Variants in NKX1-1 observed in about 807,000 individuals in gnomAD.
The protein encoded by NKX1-1 is NK1 homeobox 1.
A neutral mutation model predicts 1.7 loss-of-function variants in NKX1-1; 7 were observed. The ratio of observed to expected loss-of-function variants is 4.22; its 90% confidence interval spans 2.40 to 7.92. The LOEUF (loss-of-function observed/expected upper bound fraction) is 7.92. Among genes scored for constraint, NKX1-1 ranks in the 30% most tolerant of loss-of-function variants. The pLI is 0.00. For missense variants in NKX1-1, 453 were observed against 171.5 expected (o/e 2.64, Z -9.17); for synonymous variants, 242 against 85.3 (o/e 2.84, Z -10.13).
chr4:1,404,468 G>C (rs1465241553), intron 1 of NKX1-1, among the ~76,000 whole-genome samples: 1 of 152,190 alleles, frequency 6.6e-6, no homozygotes, highest in Non-Finnish European at 1.5e-5. Flanking sequence ...CCCGCGCCTC[G>C]GCCCCTGCGC....
Position 1,403,772 on chromosome 4 carries a change from G to A in NKX1-1, c.507C>T (p.Asp169=). 1.5e-6 allele frequency: 1 copy of A among 685,024 alleles called. No homozygotes were observed. 42.4% of individuals were successfully genotyped at this position (685,024 alleles called of 1,614,324 possible). The change falls in exon 2 of 2, where the codon GAC becomes GAT. Residue 169 remains aspartate (D), a synonymous_variant. Coordinates refer to ENST00000422806, the MANE Select transcript of NKX1-1 (RefSeq NM_001290079.1). ...CGCCGCCGCTGCTGTAGCCGTTGGT[G>A]TCGTTGGTCTCGGCCTCCCCTGCCT... is the stretch of plus-strand genomic sequence containing the variant. ...PFKAGEAETN[D]TNGYSSGGGG...
chr4:1,405,541 C>T (rs569640135), intron 1 of NKX1-1, among the ~76,000 whole-genome samples: 1 of 149,864 alleles, frequency 6.7e-6, no homozygotes, highest in South Asian at 2.1e-4. Context: ...CGATAACCAG[C>T]GTTTTGTCAC....
At position 1,403,310 on chromosome 4, in the gene NKX1-1, C is replaced by G; in HGVS notation, c.969G>C (p.Val323=). 1.4e-6 allele frequency: 1 copy of G among 713,094 alleles called. No homozygotes were observed. 44.2% of individuals were successfully genotyped at this position (713,094 alleles called of 1,614,324 possible). Residue 323 remains valine (V), a synonymous_variant, in exon 2 of 2, where the codon GTG becomes GTC. Transcript: ENST00000422806. ...ACAGCGCCAGGTTGAGGCGCTCGCA[C>G]ACCGACAGGTAGCGCGTGGCCTTGA... The part of the protein sequence containing the change: ...NKFKATRYLS[V]CERLNLALSL...
Position 1,406,404 on chromosome 4 carries a change from G to C in NKX1-1, c.39C>G (p.Pro13=), listed in dbSNP as rs1720753058. ...ASGPEAPGDI[P]ALPPPPQPGS... ...CTGGCTGGGGAGGCGGCGGTAGCGC[G>C]GGAATGTCCCCAGGAGCCTCGGGGC... The change falls in exon 1 of 2, where the codon CCC becomes CCG. Residue 13 remains proline (P), a synonymous_variant. Transcript: ENST00000422806. 1.4e-5 allele frequency: 5 copies of C among 350,804 alleles called. No individual in the cohort carries two copies. In the East Asian group the frequency reaches 1.7e-4, roughly 12 times the overall value. The allele number at this position is 350,804 out of a possible 1,614,324, so 21.7% of individuals were successfully genotyped here. A position where few individuals can be genotyped will look rare whatever the true frequency, so the allele number is the denominator to read the frequency against.
At chr4:1,405,506 C>A (rs372462142) in intron 1 of NKX1-1, among the ~76,000 whole-genome samples, 1 of 151,988 alleles carries the variant, frequency 6.6e-6, no homozygotes, top group East Asian at 1.9e-4. Flanking sequence ...TAACTGTAAT[C>A]GAAGGGATTT....
chr4:1,406,169 T>C lies in NKX1-1; in HGVS notation c.274A>G (p.Lys92Glu). The C allele has an allele frequency of 1.6e-6, 1 of 619,988 alleles. No individual in the cohort carries two copies. The highest frequency in any genetic ancestry group is 2.9e-6 in the Non-Finnish European group (1 of 345,602). The allele number at this position is 619,988 out of a possible 1,614,324, so 38.4% of individuals were successfully genotyped here. A position where few individuals can be genotyped will look rare whatever the true frequency, so the allele number is the denominator to read the frequency against. The change falls in exon 1 of 2, where the codon AAG (lysine) becomes GAG (glutamate). Residue 92 changes from lysine (K) to glutamate (E), a missense_variant. Coordinates refer to ENST00000422806, the MANE Select transcript of NKX1-1 (RefSeq NM_001290079.1). ...FSVLDILDPN[K>E]FNSRRRRCVL... is the part of the protein sequence containing the mutation. The stretch of plus-strand genomic sequence containing the variant: ...CAACGACGCCTCCTGCTGTTGAACT[T>C]GTTGGGGTCCAGGATGTCCAGTACC...
chr4:1,403,059 G>T lies in NKX1-1; in HGVS notation c.1220C>A (p.Ala407Glu). ...GCACACCAGGCCTCCGGGGCCGTGC[G>T]CCGGGTACCCGGCCGGGCCGTGCAT... Reference protein sequence around the residue: ...LGMHGPAGYPAHGPGGLVCAA... With the variant: ...LGMHGPAGYPEHGPGGLVCAA... Residue 407 changes from alanine to glutamate, a missense_variant, in exon 2 of 2, where the codon GCG becomes GAG. Transcript: ENST00000422806. 3.9e-6 allele frequency: 2 copies of T among 514,888 alleles called. No individual in the cohort carries two copies. The highest frequency in any genetic ancestry group is 3.4e-6 in the Non-Finnish European group (1 of 293,052). 31.9% of individuals were successfully genotyped at this position (514,888 alleles called of 1,614,324 possible).
intron 1 of NKX1-1, among the ~76,000 whole-genome samples, chr4:1,405,136 C>T (rs939109455): frequency 6.6e-6 from 1 of 152,182 alleles, no homozygotes; most frequent in Non-Finnish European, 1.5e-5. Flanking sequence ...GAAGAGGCCC[C>T]GCGCAGGTGC....
intron 1 of NKX1-1, among the ~76,000 whole-genome samples, chr4:1,405,170 G>T (rs1364835924): frequency 6.6e-6 from 1 of 152,174 alleles, no homozygotes; most frequent in Non-Finnish European, 1.5e-5. Context: ...CAGGCGCAGA[G>T]CCGGTGGCCG....
chr4:1,406,205 TG>T lies in NKX1-1; in HGVS notation c.237del (p.Thr80ProfsTer261). ...AGGATGTCCAGTACCGAGAAGGAGG[TG>T]GGGCGCAGGGGCGCTGCGGGCCGGG... ...GAARPAAPLR[P>X]TSFSVLDILD... On this transcript the variant is annotated frameshift_variant, in exon 1 of 2. Transcript: ENST00000422806. LOFTEE classifies it high-confidence loss of function. The T allele has an allele frequency of 1.7e-6, 1 of 578,864 alleles. No individual in the cohort carries two copies. The highest frequency in any genetic ancestry group is 3.1e-6 in the Non-Finnish European group (1 of 324,514). 35.9% of individuals were successfully genotyped at this position (578,864 alleles called of 1,614,324 possible).
At chr4:1,405,897 G>T (rs1195511871) in intron 1 of NKX1-1, 83 bp downstream of exon 1, 5 of 408,202 alleles carry the variant, frequency 1.2e-5, no homozygotes, top group Non-Finnish European at 2.2e-5. Context: ...GACCCAACTC[G>T]CCACGGTGTC....
intron 1 of NKX1-1, among the ~76,000 whole-genome samples, chr4:1,404,668 A>G (rs1720720534): frequency 6.6e-6 from 1 of 152,238 alleles, no homozygotes; most frequent in Non-Finnish European, 1.5e-5. Context: ...CATCTCTCCC[A>G]GGCAGGGTCG....
chr4:1,403,682 G>C lies in NKX1-1; in HGVS notation c.597C>G (p.Asp199Glu), dbSNP rs1312367054. Residue 199 changes from aspartate to glutamate, a missense_variant, in exon 2 of 2, where the codon GAC becomes GAG. Coordinates refer to ENST00000422806, the MANE Select transcript of NKX1-1 (RefSeq NM_001290079.1). Reference protein sequence around the residue: ...EVPDDEDDDEDEAPETEAARG... With the variant: ...EVPDDEDDDEEEAPETEAARG... Reference sequence around the variant, plus strand: ...GCGCCGCCTCCGTCTCGGGCGCTTCGTCCTCGTCGTCGTCCTCGTCGTCGG... The same window carrying C: ...GCGCCGCCTCCGTCTCGGGCGCTTCCTCCTCGTCGTCGTCCTCGTCGTCGG... 1.5e-6 allele frequency: 1 copy of C among 677,218 alleles called. No homozygotes were observed. Among genetic ancestry groups the C allele is most frequent in the African/African-American group, 1.9e-5 (1 of 53,492 alleles). 42.0% of individuals were successfully genotyped at this position (677,218 alleles called of 1,614,324 possible).
At chr4:1,405,466 C>T (rs1424818700) in intron 1 of NKX1-1, among the ~76,000 whole-genome samples, 1 of 152,236 alleles carries the variant, frequency 6.6e-6, no homozygotes. Context: ...CCATTACCGG[C>T]CGCTTTCCGC....
Position 1,403,258 on chromosome 4 carries a change from T to C in NKX1-1, c.1021A>G (p.Lys341Glu). The C allele has an allele frequency of 1.4e-6, 1 of 736,772 alleles. No individual in the cohort carries two copies. The highest frequency in any genetic ancestry group is 1.4e-5 in the South Asian group (1 of 69,774). The allele number at this position is 736,772 out of a possible 1,614,324, so 45.6% of individuals were successfully genotyped here. Reference protein sequence around the residue: ...LSLSLTETQVKIWFQNRRTKW... With the variant: ...LSLSLTETQVEIWFQNRRTKW... ...GTTCGGCGGTTCTGGAACCAGATCT[T>C]CACCTGCGTCTCGGTGAGGCTGAGC... Residue 341 changes from lysine to glutamate, a missense_variant, in exon 2 of 2, where the codon AAG (lysine) becomes GAG (glutamate). Coordinates refer to ENST00000422806, the MANE Select transcript of NKX1-1 (RefSeq NM_001290079.1).
Position 1,402,947 on chromosome 4 carries a change from G to GGGGC in NKX1-1, c.1331_1332insGCCC (p.Tyr444Ter), listed in dbSNP as rs1318852012. On this transcript the variant is annotated stop_gained and frameshift_variant, in exon 2 of 2. Transcript: ENST00000422806. LOFTEE classifies it high-confidence loss of function. ...GGCACGGGGCTCAGAGGTGCGGCGC[G>GGGGC]TAGAAGGCGGGCGCCCCGTAGGTCT... is the stretch of plus-strand genomic sequence containing the variant. The GGGGC allele has an allele frequency of 6.0e-6, 4 of 665,748 alleles. No homozygotes were observed. The East Asian group carries it at 9.4e-5, about 16-fold the overall frequency. The allele number at this position is 665,748 out of a possible 1,614,324, so 41.2% of individuals were successfully genotyped here. A position where few individuals can be genotyped will look rare whatever the true frequency, so the allele number is the denominator to read the frequency against.
chr4:1,404,046 C>T (rs1215792595), intron 1 of NKX1-1, among the ~76,000 whole-genome samples: 2 of 152,116 alleles, frequency 1.3e-5, no homozygotes, highest in African/African-American at 4.8e-5. Flanking sequence ...TTGCTTGTTT[C>T]TTTCTATGGA....
chr4:1,404,027 C>G (rs1720705937), intron 1 of NKX1-1, among the ~76,000 whole-genome samples: 1 of 152,172 alleles, frequency 6.6e-6, no homozygotes. Context: ...CGCGTCTCCT[C>G]TCGGTCCCTT....
At position 1,402,979 on chromosome 4, in the gene NKX1-1, C is replaced by G. The variant is rs1167634924; in HGVS notation, c.1300G>C (p.Gly434Arg). Residue 434 changes from glycine (G) to arginine (R), a missense_variant, in exon 2 of 2, where the codon GGC (glycine) becomes CGC (arginine). Coordinates refer to ENST00000422806, the MANE Select transcript of NKX1-1 (RefSeq NM_001290079.1). ...GCGGGCGCCCCGTAGGTCTGCGAGC[C>G]CAGCACGAAGGGCGAGAGCACCGCC... ...SPAVLSPFVLGSQTYGAPAFY... is the reference protein window; with the variant it reads ...SPAVLSPFVLRSQTYGAPAFY... 2.9e-5 allele frequency: 19 copies of G among 663,184 alleles called. No homozygotes were observed. The highest frequency in any genetic ancestry group is 5.2e-5 in the Non-Finnish European group (19 of 368,698). The allele number at this position is 663,184 out of a possible 1,614,324, so 41.1% of individuals were successfully genotyped here.
Sources: gnomAD v4.1 joint callset for allele counts (sites outside exome capture counted in the v4.1 genomes callset) on GRCh38, gnomAD v4.1.1 for gene constraint, MANE v1.5 for transcripts, NCBI Gene and HGNC (gene_info 2026-07-23, HGNC 2026-07-21) for gene names.